The following WWOX variants were observed in gnomAD, a reference collection of about 807,000 sequenced individuals.
WWOX encodes the protein WW domain-containing oxidoreductase.
WWOX carries 69 observed loss-of-function variants against 46.2 expected under a neutral mutation model. The ratio of observed to expected loss-of-function variants is 1.49; its 90% confidence interval spans 1.23 to 1.82. WWOX has a LOEUF of 1.82. Ranked by LOEUF, WWOX falls within the 40% of genes most tolerant of loss-of-function variation. The pLI is 0.00. For missense variants in WWOX, 919 were observed against 542.6 expected (o/e 1.69, Z -6.89); for synonymous variants, 359 against 202.6 (o/e 1.77, Z -6.56).
chr16:78,915,783 G>T (rs2045236297), intron 8 of WWOX, among the ~76,000 whole-genome samples: 1 of 152,096 alleles, frequency 6.6e-6, no homozygotes, highest in Non-Finnish European at 1.5e-5. Context: ...AAGGAACTTG[G>T]TATCGTTCAC....
chr16:78,901,581 A>G (rs1567636903), intron 8 of WWOX, among the ~76,000 whole-genome samples: 1 of 152,110 alleles, frequency 6.6e-6, no homozygotes, highest in Non-Finnish European at 1.5e-5. Context: ...TGTGCTTCCC[A>G]GACTCAAGTC....
intron 8 of WWOX, among the ~76,000 whole-genome samples, chr16:78,714,312 G>A (rs1170041757): frequency 3.3e-5 from 5 of 152,094 alleles, no homozygotes; most frequent in African/African-American, 1.2e-4. Context: ...AGGCAAAGGA[G>A]GAGCAAAGGG....
chr16:79,103,651 T>G (rs1238342129), intron 8 of WWOX, among the ~76,000 whole-genome samples: 1 of 152,204 alleles, frequency 6.6e-6, no homozygotes, highest in Non-Finnish European at 1.5e-5. Flanking sequence ...CCAGTAACAT[T>G]TAAAATGACC....
At chr16:78,329,063 G>T (rs1485748664) in intron 5 of WWOX, among the ~76,000 whole-genome samples, 1 of 152,138 alleles carries the variant, frequency 6.6e-6, no homozygotes, top group Non-Finnish European at 1.5e-5. Context: ...GTTTCAGCAT[G>T]TTCGCCAGGC....
rs188593191 is a variant in WWOX at position 78,369,892 on chromosome 16, G to A, written c.517-16968G>A. Among the ~76,000 whole-genome samples, 123 of 152,066 alleles carry A rather than the reference G, an allele frequency of 8.1e-4. 2 individuals are homozygous for A. The highest frequency in any genetic ancestry group is 5.6e-3 in the Admixed American group (85 of 15,276). ...TCATGCCTGTAATCCCAGCACTTTGGGAGGCCGAGGCGGGAGGATCACATA... is the reference window on the plus strand; with the variant it reads ...TCATGCCTGTAATCCCAGCACTTTGAGAGGCCGAGGCGGGAGGATCACATA... On this transcript the variant is annotated intron_variant, in intron 5 of 8. Transcript: ENST00000566780.
chr16:78,936,889 C>G (rs1437854274), intron 8 of WWOX, among the ~76,000 whole-genome samples: 2 of 152,278 alleles, frequency 1.3e-5, no homozygotes, highest in African/African-American at 4.8e-5. Context: ...AGGGTGTCAC[C>G]TGCTAAATGG....
intron 8 of WWOX, among the ~76,000 whole-genome samples, chr16:78,927,472 C>T (rs2151276691): frequency 6.6e-6 from 1 of 152,296 alleles, no homozygotes; most frequent in Middle Eastern, 3.4e-3. Flanking sequence ...GTTCTCTTTT[C>T]ATCCCCTTGC....
intron 8 of WWOX, among the ~76,000 whole-genome samples, chr16:79,001,212 A>G (rs1003958448): frequency 1.1e-4 from 16 of 152,170 alleles, no homozygotes; most frequent in Non-Finnish European, 1.6e-4. Context: ...GTCTCGAGGA[A>G]CGGAGGCCGG....
chr16:78,966,773 G>C (rs1285439803), intron 8 of WWOX, among the ~76,000 whole-genome samples: 1 of 152,164 alleles, frequency 6.6e-6, no homozygotes, highest in Non-Finnish European at 1.5e-5. Flanking sequence ...TGGAGGTCTG[G>C]ATTCAAATCA....
At chr16:79,046,341 C>A (rs1040762814) in intron 8 of WWOX, among the ~76,000 whole-genome samples, 1 of 152,192 alleles carries the variant, frequency 6.6e-6, no homozygotes, top group Non-Finnish European at 1.5e-5. Flanking sequence ...ATTAGTCATT[C>A]TCTCTGGTTC....
At chr16:79,094,016 G>T (rs1256288929) in intron 8 of WWOX, among the ~76,000 whole-genome samples, 1 of 152,184 alleles carries the variant, frequency 6.6e-6, no homozygotes, top group Non-Finnish European at 1.5e-5. Flanking sequence ...ATGTATGAAT[G>T]AATGAATGTC....
chr16:78,622,997 GA>G (rs1001544896), intron 8 of WWOX, among the ~76,000 whole-genome samples: 2 of 152,066 alleles, frequency 1.3e-5, no homozygotes, highest in African/African-American at 4.8e-5. Context: ...AAGCCAGCAA[GA>G]AAATGAGGAC....
At chr16:78,149,772 A>G (rs1366741538) in intron 4 of WWOX, among the ~76,000 whole-genome samples, 1 of 152,186 alleles carries the variant, frequency 6.6e-6, no homozygotes, top group East Asian at 1.9e-4. Flanking sequence ...ACTGACAGTC[A>G]AGACCCTGTG....
At chr16:78,538,405 G>A (rs920102353) in intron 8 of WWOX, among the ~76,000 whole-genome samples, 3 of 152,008 alleles carry the variant, frequency 2.0e-5, no homozygotes, top group East Asian at 1.9e-4. Context: ...AAACCTCTGC[G>A]TGGTGTGCAA....
At chr16:78,982,379 C>G (rs1169893784) in intron 8 of WWOX, among the ~76,000 whole-genome samples, 1 of 152,158 alleles carries the variant, frequency 6.6e-6, no homozygotes, top group Non-Finnish European at 1.5e-5. Flanking sequence ...TACAGCGTGC[C>G]ATTGCCAGAA....
At chr16:78,724,449 C>A (rs952451169) in intron 8 of WWOX, among the ~76,000 whole-genome samples, 1 of 152,054 alleles carries the variant, frequency 6.6e-6, no homozygotes, top group Non-Finnish European at 1.5e-5. Flanking sequence ...CACATTGCAC[C>A]CCCAGCTTTT....
In WWOX at chr16:79,212,101, A is replaced by ATTCTC. The variant is rs535062439; in HGVS notation, c.*308_*312dup. 6.2e-4 allele frequency: 952 copies of ATTCTC among 1,536,024 alleles called. 11 individuals are homozygous for ATTCTC. In the East Asian group the frequency reaches 0.021, roughly 35 times the overall value. ...GTATCTCCCTGGAGAAGCACCAGCA[A>ATTCTC]TTCTCTTTCTTTTACTGTTATAGAA... On this transcript the variant is annotated 3_prime_UTR_variant, in exon 9 of 9. Transcript: ENST00000566780.
intron 8 of WWOX, among the ~76,000 whole-genome samples, chr16:79,100,600 C>T (rs554159651): frequency 3.2e-4 from 48 of 152,262 alleles, no homozygotes; most frequent in Non-Finnish European, 5.7e-4. Context: ...CAGCCTCACC[C>T]GTGTCTCTTA....
intron 8 of WWOX, among the ~76,000 whole-genome samples, chr16:79,096,200 C>G (rs1244472987): frequency 6.6e-6 from 1 of 151,962 alleles, no homozygotes; most frequent in East Asian, 1.9e-4. Context: ...TCCTGGCACC[C>G]AGCCATGTTG....
Sources: allele counts gnomAD v4.1 joint callset (sites outside exome capture counted in the v4.1 genomes callset), GRCh38; gene constraint gnomAD v4.1.1; transcripts MANE v1.5; gene names NCBI Gene and HGNC (gene_info 2026-07-23, HGNC 2026-07-21).